TENM2: variants seen among roughly 807,000 people sequenced by gnomAD.
TENM2 encodes teneurin-2.
A neutral mutation model predicts 245.2 loss-of-function variants in TENM2; 52 were observed. That is an observed-to-expected ratio of 0.21 (90% CI 0.17 to 0.27). The LOEUF (loss-of-function observed/expected upper bound fraction) is 0.27, where lower values mean the gene tolerates loss of function less well. Among genes scored for constraint, TENM2 ranks in the 10% least tolerant of loss-of-function variants. The probability of loss-of-function intolerance (pLI) is 1.00; values close to 1 mark genes in which losing one functional copy is unlikely to be tolerated. For missense variants in TENM2, 3,046 were observed against 3,666.8 expected (o/e 0.83, Z 4.37); for synonymous variants, 1,363 against 1,438.9 (o/e 0.95, Z 1.19).
chr5:167,135,306 C>T, the TENM2 span, among the ~76,000 whole-genome samples: 2 of 152,074 alleles, frequency 1.3e-5, no homozygotes, highest in Admixed American at 1.3e-4. Context: ...GTGAATTGCG[C>T]CCCGAAACAT....
intron 2 of TENM2, among the ~76,000 whole-genome samples, chr5:167,452,796 G>A (rs918955310): frequency 4.6e-5 from 7 of 151,034 alleles, no homozygotes; most frequent in Admixed American, 6.6e-5. Flanking sequence ...TAGGGGGAGC[G>A]GGGAGGGATA....
chr5:167,455,805 G>A (rs1036290216), intron 2 of TENM2, among the ~76,000 whole-genome samples: 5 of 152,006 alleles, frequency 3.3e-5, no homozygotes, highest in African/African-American at 9.7e-5. Context: ...CAACAGCCAC[G>A]ACCTTTTTTC....
At chr5:167,366,154 A>G (rs1760040970) in intron 1 of TENM2, among the ~76,000 whole-genome samples, 1 of 152,120 alleles carries the variant, frequency 6.6e-6, no homozygotes, top group Admixed American at 6.5e-5. Context: ...AAGAAGGCAC[A>G]AATAAATATT....
chr5:167,668,895 A>G (rs1177823032), intron 2 of TENM2, among the ~76,000 whole-genome samples: 1 of 152,042 alleles, frequency 6.6e-6, no homozygotes, highest in Non-Finnish European at 1.5e-5. Context: ...CAGAGGTTGC[A>G]GTGAGCCGAG....
chr5:167,648,500 T>C (rs1205150453), intron 2 of TENM2, among the ~76,000 whole-genome samples: 2 of 152,192 alleles, frequency 1.3e-5, no homozygotes, highest in Non-Finnish European at 2.9e-5. Flanking sequence ...ATTAGAAACC[T>C]AGATCATCCT....
intron 3 of TENM2, among the ~76,000 whole-genome samples, chr5:167,915,549 G>A (rs1438756313): frequency 1.3e-5 from 2 of 152,156 alleles, no homozygotes; most frequent in African/African-American, 4.8e-5. Context: ...TTTGAAGCAT[G>A]TGGGTGGGTC....
intron 2 of TENM2, among the ~76,000 whole-genome samples, chr5:167,737,515 T>C (rs190477128): frequency 2.0e-5 from 3 of 152,270 alleles, no homozygotes; most frequent in Admixed American, 2.0e-4. Context: ...TTGCAGGCAA[T>C]CTTCTCCTTC....
intron 5 of TENM2, among the ~76,000 whole-genome samples, chr5:167,993,529 T>G (rs1562026530): frequency 6.6e-6 from 1 of 152,204 alleles, no homozygotes; most frequent in Admixed American, 6.5e-5. Flanking sequence ...TTAACCCAGG[T>G]CTGTGCTTTG....
chr5:167,238,586 G>A, the TENM2 span, among the ~76,000 whole-genome samples: 1 of 151,646 alleles, frequency 6.6e-6, no homozygotes, highest in Non-Finnish European at 1.5e-5. Context: ...AAGCCTGCTA[G>A]GTTCTACCCA....
intron 20 of TENM2, among the ~76,000 whole-genome samples, chr5:168,214,658 C>G (rs1763038637): frequency 1.3e-5 from 2 of 152,146 alleles, no homozygotes; most frequent in Non-Finnish European, 2.9e-5. Flanking sequence ...TTCCTCTATC[C>G]CACTTGAGAA....
At chr5:167,232,727 A>C in the TENM2 span, among the ~76,000 whole-genome samples, 18 of 150,950 alleles carry the variant, frequency 1.2e-4, no homozygotes, top group Non-Finnish European at 2.6e-4. Context: ...CAGCGGTGTG[A>C]GAACAGACTA....
intron 4 of TENM2, among the ~76,000 whole-genome samples, chr5:167,966,000 G>A (rs1158670678): frequency 6.6e-6 from 1 of 152,152 alleles, no homozygotes; most frequent in Non-Finnish European, 1.5e-5. Flanking sequence ...CATTACAAGT[G>A]GCATAAGGCG....
intron 1 of TENM2, among the ~76,000 whole-genome samples, chr5:167,373,237 C>T (rs1760545760): frequency 2.0e-5 from 3 of 152,178 alleles, no homozygotes; most frequent in South Asian, 4.1e-4. Flanking sequence ...AATAAAAAGA[C>T]ATATGTCTAT....
At chr5:168,182,134 C>A (rs916579203) in intron 13 of TENM2, among the ~76,000 whole-genome samples, 1 of 152,118 alleles carries the variant, frequency 6.6e-6, no homozygotes. Context: ...TTAAAAGGTT[C>A]GCAATGCAGG....
chr5:168,123,273 T>G (rs1483912258), intron 10 of TENM2, among the ~76,000 whole-genome samples: 1 of 152,126 alleles, frequency 6.6e-6, no homozygotes, highest in African/African-American at 2.4e-5. Context: ...CATTCTAGCC[T>G]GGGTGACAGA....
intron 5 of TENM2, among the ~76,000 whole-genome samples, chr5:168,034,028 AATATATATATATATGTGTGTGT>A (rs1489988873): frequency 2.1e-4 from 28 of 130,388 alleles, no homozygotes; most frequent in Middle Eastern, 8.1e-3. Flanking sequence ...CTCCGTCTCA[AATATATATATATATGTGTGTGT>A]ATATATATAT....
intron 2 of TENM2, among the ~76,000 whole-genome samples, chr5:167,425,903 G>A (rs186610092): frequency 2.6e-5 from 4 of 152,072 alleles, no homozygotes; most frequent in African/African-American, 7.2e-5. Context: ...TAATACTGTC[G>A]TTAGCATTAC....
chr5:167,235,581 T>C, the TENM2 span, among the ~76,000 whole-genome samples: 1 of 152,218 alleles, frequency 6.6e-6, no homozygotes, highest in African/African-American at 2.4e-5. Flanking sequence ...TTATCAGGTA[T>C]TGATCGCAGT....
the TENM2 span, among the ~76,000 whole-genome samples, chr5:167,227,240 T>C: frequency 2.0e-5 from 3 of 152,138 alleles, no homozygotes; most frequent in African/African-American, 7.2e-5. Flanking sequence ...AGTTCTTTCA[T>C]ACATTCTTTG....
Sources: allele counts gnomAD v4.1 joint callset (sites outside exome capture counted in the v4.1 genomes callset), GRCh38; gene constraint gnomAD v4.1.1; transcripts MANE v1.5; gene names NCBI Gene and HGNC (gene_info 2026-07-23, HGNC 2026-07-21).